Variants in ARHGAP12 observed in about 807,000 individuals in gnomAD.
ARHGAP12 encodes the protein Rho GTPase activating protein 12.
Under a neutral mutation model 108.6 loss-of-function variants are expected in ARHGAP12, and 64 were observed. The observed-to-expected ratio is 0.59, with a 90% confidence interval of 0.48 to 0.73. ARHGAP12 has a LOEUF of 0.73. Ranked by LOEUF, ARHGAP12 falls within the 30% of genes least tolerant of loss-of-function variation. The pLI is 0.00. For synonymous variants in ARHGAP12, 312 were observed against 337.2 expected (o/e 0.93, Z 0.82); for missense variants, 940 against 1,005.9 (o/e 0.93, Z 0.89).
Position 31,823,276 on chromosome 10 carries a change from A to T in ARHGAP12, c.1531-2788T>A, listed in dbSNP as rs1484712523. On this transcript the variant is annotated intron_variant, in intron 11 of 19. Coordinates refer to ENST00000344936, the MANE Select transcript of ARHGAP12 (RefSeq NM_018287.7). ...TTTCTGAAGTGAGAAAAAAACAAATACAAGTTTATGTTAAGTGATATAGCA... is the reference window on the plus strand; with the variant it reads ...TTTCTGAAGTGAGAAAAAAACAAATTCAAGTTTATGTTAAGTGATATAGCA... Among the ~76,000 whole-genome samples the T allele has an allele frequency of 2.0e-5, 3 of 152,180 alleles. No individual in the cohort carries two copies. In the South Asian group the frequency reaches 6.2e-4, roughly 31 times the overall value.
At chr10:31,852,182 C>A (rs771903458) in intron 6 of ARHGAP12, among the ~76,000 whole-genome samples, 13 of 151,804 alleles carry the variant, frequency 8.6e-5, no homozygotes, top group Non-Finnish European at 1.3e-4. Context: ...AATATAAGAC[C>A]AACTTTATGT....
At chr10:31,903,628 T>C (rs568751439) in intron 3 of ARHGAP12, among the ~76,000 whole-genome samples, 1 of 152,148 alleles carries the variant, frequency 6.6e-6, no homozygotes, top group South Asian at 2.1e-4. Context: ...AGTTAAAAAC[T>C]TGTGCTCTGC....
chr10:31,912,306 C>T (rs573582582), intron 1 of ARHGAP12, among the ~76,000 whole-genome samples: 2 of 152,248 alleles, frequency 1.3e-5, no homozygotes, highest in Non-Finnish European at 2.9e-5. Context: ...CTCAGACATA[C>T]TATAGTTAGT....
At chr10:31,898,312 G>T (rs148030360) in intron 3 of ARHGAP12, among the ~76,000 whole-genome samples, 3 of 152,270 alleles carry the variant, frequency 2.0e-5, no homozygotes, top group Admixed American at 6.5e-5. Flanking sequence ...CATATGAAAA[G>T]ATGCTCAACG....
In ARHGAP12 at chr10:31,908,301, G is replaced by C. The variant is rs1164424504; in HGVS notation, c.555C>G (p.Phe185Leu). ...RSFGHFPGPE[F>L]LDVEKTSFSQ... ...AGAAGCTAGTTTTCTCTACATCCAA[G>C]AACTCTGGACCGGGAAAATGACCAA... is the stretch of plus-strand genomic sequence containing the variant. The change falls in exon 3 of 20, where the codon TTC becomes TTG. Residue 185 changes from phenylalanine to leucine, a missense_variant. Transcript: ENST00000344936. 6.2e-7 allele frequency: 1 copy of C among 1,614,074 alleles called. No individual in the cohort carries two copies.
chr10:31,852,459 T>C, intron 6 of ARHGAP12, 58 bp downstream of exon 6: 1 of 1,265,084 alleles, frequency 7.9e-7, no homozygotes, highest in Non-Finnish European at 1.2e-6. Flanking sequence ...TGAAACCATC[T>C]CCAGATATTA....
rs188097214 is a variant in ARHGAP12, at chr10:31,881,064, C to T, written c.685-19406G>A. ...CCTTCCCCTCCTCCATCTCTATCCC[C>T]CTCAGGCTCAGGTGATTCTCCTACC... On this transcript the variant is annotated intron_variant, in intron 3 of 19. Transcript: ENST00000344936. Among the ~76,000 whole-genome samples, 73 of 151,982 alleles carry T rather than the reference C, an allele frequency of 4.8e-4. 1 individual carries two copies. The highest frequency in any genetic ancestry group is 3.4e-3 in the Middle Eastern group (1 of 294).
chr10:31,811,092 A>T (rs1313082217), intron 15 of ARHGAP12, among the ~76,000 whole-genome samples: 1 of 152,204 alleles, frequency 6.6e-6, no homozygotes, highest in Non-Finnish European at 1.5e-5. Flanking sequence ...ACCTAAGAGA[A>T]CCCAGTTCTA....
At position 31,908,864 on chromosome 10, in the gene ARHGAP12, A is replaced by G. The variant is rs1448388568; in HGVS notation, c.-9T>C. On this transcript the variant is annotated 5_prime_UTR_variant, in exon 3 of 20. Coordinates refer to ENST00000344936, the MANE Select transcript of ARHGAP12 (RefSeq NM_018287.7). ...CTGTCAGCCATTTTCATTCAATAATATTCACCTCTCAAAAAGGATGTTATA... is the reference window on the plus strand; with the variant it reads ...CTGTCAGCCATTTTCATTCAATAATGTTCACCTCTCAAAAAGGATGTTATA... 6.4e-7 allele frequency: 1 copy of G among 1,571,994 alleles called. No individual in the cohort carries two copies. The highest frequency in any genetic ancestry group is 2.2e-5 in the East Asian group (1 of 44,622).
intron 3 of ARHGAP12, among the ~76,000 whole-genome samples, chr10:31,863,086 T>C (rs2799009): frequency 0.19 from 28,634 of 152,182 alleles, 3,154 homozygotes; most frequent in East Asian, 0.38. Flanking sequence ...GTTTGTGAAA[T>C]GGTCACTGTT....
At chr10:31,869,455 T>A (rs1035516801) in intron 3 of ARHGAP12, among the ~76,000 whole-genome samples, 5 of 152,050 alleles carry the variant, frequency 3.3e-5, no homozygotes, top group African/African-American at 1.2e-4. Context: ...GAGAATTGCG[T>A]GAACCTGGGA....
intron 3 of ARHGAP12, among the ~76,000 whole-genome samples, chr10:31,901,448 C>T (rs903234877): frequency 2.1e-5 from 3 of 144,444 alleles, no homozygotes; most frequent in African/African-American, 5.2e-5. Context: ...AGGAGGATCA[C>T]GTGAGCCTGG....
intron 3 of ARHGAP12, among the ~76,000 whole-genome samples, chr10:31,894,850 A>G (rs1240356636): frequency 3.3e-5 from 5 of 152,194 alleles, no homozygotes; most frequent in Non-Finnish European, 5.9e-5. Context: ...TTCAAACTAT[A>G]CTACAAGGCT....
At chr10:31,895,339 CA>C (rs1838634830) in intron 3 of ARHGAP12, among the ~76,000 whole-genome samples, 1 of 152,150 alleles carries the variant, frequency 6.6e-6, no homozygotes, top group African/African-American at 2.4e-5. Flanking sequence ...AAAATTTGTG[CA>C]ATCTACTTAT....
chr10:31,881,788 C>T (rs913325748), intron 3 of ARHGAP12, among the ~76,000 whole-genome samples: 3 of 151,956 alleles, frequency 2.0e-5, no homozygotes, highest in African/African-American at 7.3e-5. Flanking sequence ...TTAAAAAATA[C>T]TTTTGTTACC....
At chr10:31,890,742 A>G (rs893338148) in intron 3 of ARHGAP12, among the ~76,000 whole-genome samples, 4 of 152,222 alleles carry the variant, frequency 2.6e-5, no homozygotes, top group Non-Finnish European at 4.4e-5. Flanking sequence ...AGTACCATCT[A>G]TGTAGAAACA....
At chr10:31,811,618 T>C (rs1242243641) in intron 15 of ARHGAP12, among the ~76,000 whole-genome samples, 4 of 151,532 alleles carry the variant, frequency 2.6e-5, no homozygotes, top group Admixed American at 2.6e-4. Flanking sequence ...GGAGAGTACC[T>C]AATTTGAATT....
At chr10:31,885,884 C>T (rs2132383447) in intron 3 of ARHGAP12, among the ~76,000 whole-genome samples, 1 of 151,710 alleles carries the variant, frequency 6.6e-6, no homozygotes, top group Non-Finnish European at 1.5e-5. Context: ...TCAACCATAG[C>T]TTAAAAAAAA....
intron 3 of ARHGAP12, among the ~76,000 whole-genome samples, chr10:31,863,852 T>C (rs564846180): frequency 3.3e-5 from 5 of 152,232 alleles, no homozygotes; most frequent in East Asian, 1.9e-4. Context: ...CTTAGCAAGA[T>C]AGGAACAGGT....
Sources: gnomAD v4.1 joint callset for allele counts (sites outside exome capture counted in the v4.1 genomes callset) on GRCh38, gnomAD v4.1.1 for gene constraint, MANE v1.5 for transcripts, NCBI Gene and HGNC (gene_info 2026-07-23, HGNC 2026-07-21) for gene names.